Variants in WDR64 observed in about 807,000 individuals in gnomAD.
WDR64 encodes WD repeat-containing protein 64.
A neutral mutation model predicts 139.3 loss-of-function variants in WDR64; 112 were observed. That is an observed-to-expected ratio of 0.80 (90% CI 0.69 to 0.94). The LOEUF (loss-of-function observed/expected upper bound fraction) is 0.94. WDR64 is among the 40% of genes least tolerant of loss of function. WDR64 has a pLI of 0.00. For synonymous variants in WDR64, 444 were observed against 437.7 expected, an observed-to-expected ratio of 1.01 and a Z score of -0.18; for missense variants, 1,206 against 1,293.1, an observed-to-expected ratio of 0.93 and a Z score of 1.03.
chr1:241,658,648 A>G (rs1198830375), intron 1 of WDR64, among the ~76,000 whole-genome samples: 2 of 151,756 alleles, frequency 1.3e-5, no homozygotes, highest in African/African-American at 4.8e-5. Context: ...CAAAAAAAAA[A>G]AAAAAAAAAA....
intron 3 of WDR64, among the ~76,000 whole-genome samples, chr1:241,671,727 C>T (rs181711125): frequency 8.7e-4 from 132 of 152,304 alleles, no homozygotes; most frequent in Non-Finnish European, 1.4e-3. Context: ...TCCCATCCCT[C>T]TCCACTCTTA....
chr1:241,754,150 CAG>C (rs1198699797), intron 14 of WDR64, among the ~76,000 whole-genome samples: 2 of 151,998 alleles, frequency 1.3e-5, no homozygotes, highest in African/African-American at 4.8e-5. Context: ...TCACAACACT[CAG>C]GGAAATATGA....
At chr1:241,732,829 CCAA>C (rs1233812005) in intron 10 of WDR64, among the ~76,000 whole-genome samples, 2 of 150,542 alleles carry the variant, frequency 1.3e-5, no homozygotes, top group Non-Finnish European at 3.0e-5. Context: ...AAAAAAAAAA[CCAA>C]AAAAACAAAA....
At chr1:241,695,804 A>G (rs1228203651) in intron 8 of WDR64, among the ~76,000 whole-genome samples, 1 of 152,128 alleles carries the variant, frequency 6.6e-6, no homozygotes, top group Admixed American at 6.5e-5. Context: ...TGCTAAGATT[A>G]TAAAATAGAA....
intron 15 of WDR64, among the ~76,000 whole-genome samples, chr1:241,764,111 G>C (rs542567212): frequency 1.3e-5 from 2 of 152,278 alleles, no homozygotes; most frequent in East Asian, 3.9e-4. Flanking sequence ...TGTGGCTGGA[G>C]TAATACTGGG....
chr1:241,679,372 G>A (rs1273231007), intron 5 of WDR64, 113 bp from the exon 6 acceptor site: 1 of 836,512 alleles, frequency 1.2e-6, no homozygotes, highest in African/African-American at 1.7e-5. Context: ...AGGCTTCTCT[G>A]TAATAAGGCA....
At chr1:241,662,134 T>G (rs1665856455) in intron 2 of WDR64, among the ~76,000 whole-genome samples, 1 of 152,218 alleles carries the variant, frequency 6.6e-6, no homozygotes, top group Non-Finnish European at 1.5e-5. Flanking sequence ...ATTCCATTAA[T>G]TTGAGAAAGG....
chr1:241,681,373 T>C (rs187706150), intron 6 of WDR64, among the ~76,000 whole-genome samples: 412 of 152,326 alleles, frequency 2.7e-3, no homozygotes, highest in Non-Finnish European at 4.0e-3. Flanking sequence ...TATATGATGT[T>C]TGGTTTTCCA....
chr1:241,676,942 C>G (rs115651857), intron 4 of WDR64, among the ~76,000 whole-genome samples: 5,830 of 151,810 alleles, frequency 0.038, 153 homozygotes, highest in Non-Finnish European at 0.053. Flanking sequence ...TTGTTGCAAG[C>G]CTTACAAATA....
At chr1:241,790,466 C>T (rs1004673680) in intron 24 of WDR64, 125 bp from the exon 25 acceptor site, 1 of 731,240 alleles carries the variant, frequency 1.4e-6, no homozygotes, top group Admixed American at 2.7e-5. Context: ...GAGATACTGT[C>T]ATTGGGACTG....
At chr1:241,784,225 C>T (rs950347717) in intron 23 of WDR64, among the ~76,000 whole-genome samples, 1 of 152,140 alleles carries the variant, frequency 6.6e-6, no homozygotes, top group Admixed American at 6.5e-5. Flanking sequence ...AGCCACTGCA[C>T]AGAATTTTAC....
chr1:241,715,944 G>A (rs754697847), intron 9 of WDR64, among the ~76,000 whole-genome samples: 11 of 152,112 alleles, frequency 7.2e-5, no homozygotes, highest in South Asian at 2.1e-4. Flanking sequence ...GCTTGAAAAC[G>A]TGTTTATTAT....
chr1:241,708,694 T>TTTTTG (rs1668049177), intron 8 of WDR64, among the ~76,000 whole-genome samples: 1 of 66,242 alleles, frequency 1.5e-5, no homozygotes, highest in Non-Finnish European at 3.5e-5. Flanking sequence ...GGTCCATGGT[T>TTTTTG]TTTTTTTTTG....
chr1:241,797,065 T>TA (rs1242971352), intron 27 of WDR64, among the ~76,000 whole-genome samples: 24 of 152,224 alleles, frequency 1.6e-4, no homozygotes, highest in African/African-American at 5.8e-4. Context: ...GTTTCTGTCT[T>TA]AGCTGCAAGA....
Position 241,715,106 on chromosome 1 carries a change from G to C in WDR64, c.1054+3225G>C, listed in dbSNP as rs538337045. Reference sequence around the variant, plus strand: ...AAGTGAGGACATGAAGAAAAGAAAGGAAGGCATATGGATAAGAAGTCTGTA... The same window carrying C: ...AAGTGAGGACATGAAGAAAAGAAAGCAAGGCATATGGATAAGAAGTCTGTA... On this transcript the variant is annotated intron_variant, in intron 9 of 27. Transcript: ENST00000437684. Among the ~76,000 whole-genome samples the C allele has an allele frequency of 1.4e-4, 21 of 152,236 alleles. 1 individual carries two copies. The South Asian group carries it at 3.5e-3, about 26-fold the overall frequency.
intron 8 of WDR64, among the ~76,000 whole-genome samples, chr1:241,710,075 A>AG (rs1553369295): frequency 1.3e-5 from 2 of 151,740 alleles, no homozygotes; most frequent in Admixed American, 1.3e-4. Context: ...GAAAAAAAAA[A>AG]AGAAAAACAT....
rs74596518 is a variant in WDR64, at chr1:241,717,031, G to A, written c.1054+5150G>A. 3.0e-4 allele frequency among the ~76,000 whole-genome samples: 46 copies of A among 152,286 alleles called. No homozygotes were observed. In the East Asian group the frequency reaches 8.7e-3, roughly 29 times the overall value. On this transcript the variant is annotated intron_variant, in intron 9 of 27. Coordinates refer to ENST00000437684, the MANE Select transcript of WDR64 (RefSeq NM_001367482.1). ...AGGAATGATAATGCCCATTTCAGGG[G>A]ATGTCCCACCAACATGATGTAAGAT...
intron 8 of WDR64, among the ~76,000 whole-genome samples, chr1:241,708,854 T>C (rs1668062641): frequency 6.6e-6 from 1 of 152,114 alleles, no homozygotes; most frequent in Non-Finnish European, 1.5e-5. Flanking sequence ...AATTTCTTTT[T>C]TAATATCCAA....
intron 22 of WDR64, among the ~76,000 whole-genome samples, chr1:241,782,057 C>T (rs1326122863): frequency 6.6e-6 from 1 of 152,154 alleles, no homozygotes; most frequent in Non-Finnish European, 1.5e-5. Flanking sequence ...GAGGCTGAGG[C>T]AGGCAGATCA....
Sources: allele counts gnomAD v4.1 joint callset (sites outside exome capture counted in the v4.1 genomes callset), GRCh38; gene constraint gnomAD v4.1.1; transcripts MANE v1.5; gene names NCBI Gene and HGNC (gene_info 2026-07-23, HGNC 2026-07-21).